The following SLC30A7 variants were observed in gnomAD, a reference collection of about 807,000 sequenced individuals.
SLC30A7 encodes the protein zinc transporter 7.
In SLC30A7, 35 loss-of-function variants were observed where a neutral mutation model predicts 46.0. That is an observed-to-expected ratio of 0.76 (90% CI 0.58 to 1.01). SLC30A7 has a LOEUF of 1.01. Among genes scored for constraint, SLC30A7 ranks in the 50% least tolerant of loss-of-function variants. The pLI, the probability that SLC30A7 is intolerant of heterozygous loss-of-function variation, is 0.00. For missense variants in SLC30A7, 464 were observed against 451.1 expected, an observed-to-expected ratio of 1.03 and a Z score of -0.26; for synonymous variants, 147 against 157.8, an observed-to-expected ratio of 0.93 and a Z score of 0.51.
At chr1:100,919,973 A>G (rs915631129) in intron 7 of SLC30A7, among the ~76,000 whole-genome samples, 4 of 152,124 alleles carry the variant, frequency 2.6e-5, no homozygotes, top group Non-Finnish European at 2.9e-5. Context: ...TTAACTTTGT[A>G]TAAGTTAAAC....
chr1:100,919,537 T>C (rs1168945081), intron 7 of SLC30A7, among the ~76,000 whole-genome samples: 3 of 152,164 alleles, frequency 2.0e-5, no homozygotes, highest in Admixed American at 6.5e-5. Flanking sequence ...ACAAAAGATA[T>C]GGAATTGTTT....
At chr1:100,908,786 CAG>C (rs1405485295) in intron 3 of SLC30A7, among the ~76,000 whole-genome samples, 11 of 151,966 alleles carry the variant, frequency 7.2e-5, no homozygotes, top group African/African-American at 2.7e-4. Context: ...TATTATATAT[CAG>C]AAATCTAATT....
chr1:100,962,777 C>T (rs1252534872), intron 9 of SLC30A7, among the ~76,000 whole-genome samples: 1 of 152,060 alleles, frequency 6.6e-6, no homozygotes, highest in Non-Finnish European at 1.5e-5. Context: ...CATATTCTAG[C>T]GAGGATGAAA....
chr1:100,995,251 T>C, the SLC30A7 span: 1 of 666,178 alleles, frequency 1.5e-6, no homozygotes, highest in Non-Finnish European at 2.6e-6. Flanking sequence ...GGGGAAACAC[T>C]CTTCCCTCAC....
At chr1:100,912,943 G>T (rs1652217290) in intron 5 of SLC30A7, among the ~76,000 whole-genome samples, 1 of 151,908 alleles carries the variant, frequency 6.6e-6, no homozygotes, top group African/African-American at 2.4e-5. Flanking sequence ...GATCCTCATA[G>T]TCATGATTTT....
rs370595448 is a variant in SLC30A7 at position 100,961,833 on chromosome 1, T to A, written c.848T>A (p.Ile283Asn). 1.3e-6 allele frequency: 2 copies of A among 1,588,744 alleles called. No individual in the cohort carries two copies. Among genetic ancestry groups the A allele is most frequent in the Non-Finnish European group, 1.7e-6 (2 of 1,161,448 alleles). Residue 283 changes from isoleucine to asparagine, a missense_variant, in exon 9 of 11, where the codon ATT (isoleucine) becomes AAT (asparagine). Ile to Asn is a moderately radical substitution (Grantham distance 149). Transcript: ENST00000357650. ...LIAILIVVSVIPLLRESVGIL... is the reference protein window; with the variant it reads ...LIAILIVVSVNPLLRESVGIL... ...GTTGTCTTCCTTTTCCTTAGTGTTA[T>A]TCCTCTTTTAAGAGAATCTGTTGGA... is the stretch of plus-strand genomic sequence containing the variant.
intron 8 of SLC30A7, among the ~76,000 whole-genome samples, chr1:100,928,330 G>T (rs923907593): frequency 1.3e-5 from 2 of 152,160 alleles, no homozygotes; most frequent in Non-Finnish European, 2.9e-5. Context: ...AGAAAACGGC[G>T]CTTCTTAATA....
At chr1:100,899,006 T>A (rs1651139261) in intron 2 of SLC30A7, among the ~76,000 whole-genome samples, 1 of 152,204 alleles carries the variant, frequency 6.6e-6, no homozygotes, top group Non-Finnish European at 1.5e-5. Context: ...AAATGTTAAA[T>A]TGTTCTGGTT....
the SLC30A7 span, among the ~76,000 whole-genome samples, chr1:100,991,853 T>G: frequency 6.6e-6 from 1 of 150,494 alleles, no homozygotes; most frequent in Non-Finnish European, 1.5e-5. Flanking sequence ...TCCCAACACT[T>G]TGGGAGGCTT....
At chr1:100,983,375 C>CAAAAAAAAAAAAAAAAAA (rs779529890), downstream of SLC30A7, among the ~76,000 whole-genome samples, 2 of 76,482 alleles carry the variant, frequency 2.6e-5, no homozygotes, top group African/African-American at 4.9e-5. Context: ...TACTTTGAGG[C>CAAAAAAAAAAAAAAAAAA]AAAAAAAAAA....
chr1:100,947,502 TGTG>T, intron 8 of SLC30A7, among the ~76,000 whole-genome samples: 1 of 152,318 alleles, frequency 6.6e-6, no homozygotes, highest in East Asian at 1.9e-4. Context: ...ATAAGTGTGA[TGTG>T]GTGCTGAGAA....
chr1:100,985,682 ATGT>A (rs1224805345), downstream of SLC30A7, among the ~76,000 whole-genome samples: 2 of 151,882 alleles, frequency 1.3e-5, no homozygotes, highest in Non-Finnish European at 2.9e-5. Flanking sequence ...TCTTATCAAG[ATGT>A]TGTAACTAAA....
At chr1:100,965,998 AT>A (rs1414994939) in intron 10 of SLC30A7, 80 bp downstream of exon 10, 2 of 1,225,436 alleles carry the variant, frequency 1.6e-6, no homozygotes, top group African/African-American at 3.1e-5. Context: ...TACAAGGCCA[AT>A]GTGAGAGGAT....
chr1:100,952,955 A>G (rs1655034199), intron 8 of SLC30A7, among the ~76,000 whole-genome samples: 2 of 152,162 alleles, frequency 1.3e-5, no homozygotes, highest in African/African-American at 4.8e-5. Context: ...TTGTGTCCCT[A>G]CTCAAACCTC....
the SLC30A7 span, among the ~76,000 whole-genome samples, chr1:100,986,974 A>T: frequency 6.6e-6 from 1 of 152,350 alleles, no homozygotes. Context: ...CAGAGAACAG[A>T]CTGAAAACAC....
At chr1:100,966,057 C>A in intron 10 of SLC30A7, 139 bp downstream of exon 10, 1 of 690,716 alleles carries the variant, frequency 1.4e-6, no homozygotes, top group Non-Finnish European at 2.4e-6. Context: ...ATAGTGAGAC[C>A]CCGTCTCTAC....
chr1:100,970,685 CA>C (rs11351324), intron 10 of SLC30A7, among the ~76,000 whole-genome samples: 33,282 of 123,216 alleles, frequency 0.27, 3,761 homozygotes, highest in Middle Eastern at 0.37. Flanking sequence ...GTACAAACAG[CA>C]AAAAAAAAAA....
intron 9 of SLC30A7, among the ~76,000 whole-genome samples, chr1:100,964,913 G>A (rs1655783725): frequency 6.6e-6 from 1 of 152,036 alleles, no homozygotes; most frequent in African/African-American, 2.4e-5. Context: ...AAGAAGGCAC[G>A]GTAGATACTA....
At chr1:100,901,207 A>G (rs1474085884) in intron 2 of SLC30A7, among the ~76,000 whole-genome samples, 3 of 152,116 alleles carry the variant, frequency 2.0e-5, no homozygotes, top group Non-Finnish European at 4.4e-5. Flanking sequence ...TTGTCTCATA[A>G]ATTCTTTTTA....
Sources: gnomAD v4.1 joint callset for allele counts (sites outside exome capture counted in the v4.1 genomes callset) on GRCh38, gnomAD v4.1.1 for gene constraint, MANE v1.5 for transcripts, NCBI Gene and HGNC (gene_info 2026-07-23, HGNC 2026-07-21) for gene names.